Variants in MAP3K21 observed in about 807,000 individuals in gnomAD.
MAP3K21 encodes the protein mitogen-activated protein kinase kinase kinase 21, also known as mitogen-activated protein kinase kinase kinase MLK4.
MAP3K21 carries 63 observed loss-of-function variants against 86.1 expected under a neutral mutation model. The ratio of observed to expected loss-of-function variants is 0.73; its 90% CI spans 0.60 to 0.90. MAP3K21 has a LOEUF of 0.90. Among genes scored for constraint, MAP3K21 ranks in the 40% least tolerant of loss-of-function variants. MAP3K21 has a pLI of 0.00. For synonymous variants in MAP3K21, 558 were observed against 564.8 expected, an observed-to-expected ratio of 0.99 and a Z score of 0.17; for missense variants, 1,220 against 1,367.7, an observed-to-expected ratio of 0.89 and a Z score of 1.70.
chr1:233,332,928 G>A (rs1210280269), intron 1 of MAP3K21, among the ~76,000 whole-genome samples: 1 of 151,924 alleles, frequency 6.6e-6, no homozygotes, highest in Non-Finnish European at 1.5e-5. Context: ...TTATGTCAGT[G>A]ATTAAGCATT....
chr1:233,342,890 C>T (rs74783822), intron 1 of MAP3K21, among the ~76,000 whole-genome samples: 2,116 of 152,178 alleles, frequency 0.014, 53 homozygotes, highest in African/African-American at 0.048. Context: ...ACTGTGTAAC[C>T]ATGGACATAT....
chr1:233,343,887 C>G (rs879813522), intron 1 of MAP3K21, among the ~76,000 whole-genome samples: 1 of 152,046 alleles, frequency 6.6e-6, no homozygotes, highest in Non-Finnish European at 1.5e-5. Context: ...AAAAAATGAC[C>G]CTCTTTATGA....
At chr1:233,339,307 T>TTCC (rs1662983213) in intron 1 of MAP3K21, among the ~76,000 whole-genome samples, 1 of 135,798 alleles carries the variant, frequency 7.4e-6, no homozygotes, top group Non-Finnish European at 1.6e-5. Context: ...CTTCTTCCTC[T>TTCC]TCTTCTTCCT....
chr1:233,357,562 G>T (rs996541290), intron 4 of MAP3K21, among the ~76,000 whole-genome samples: 1 of 152,148 alleles, frequency 6.6e-6, no homozygotes, highest in Non-Finnish European at 1.5e-5. Flanking sequence ...AGTACTTAGA[G>T]TTCATCAAGG....
Position 233,384,080 on chromosome 1 carries a change from G to A in MAP3K21, c.*1369G>A, listed in dbSNP as rs1421824321. The A allele has an allele frequency of 6.6e-6, 1 of 152,000 alleles. No homozygotes were observed. Among genetic ancestry groups the A allele is most frequent in the Non-Finnish European group, 1.5e-5 (1 of 67,986 alleles). 9.4% of individuals were successfully genotyped at this position (152,000 alleles called of 1,614,324 possible). The stretch of plus-strand genomic sequence containing the variant: ...GTGGCTCTTCAGAAGACAGACAATC[G>A]ACATTTAAATTTTTCCAAACAATGA... On this transcript the variant is annotated 3_prime_UTR_variant, in exon 10 of 10. Coordinates refer to ENST00000366624, the MANE Select transcript of MAP3K21 (RefSeq NM_032435.3).
intron 4 of MAP3K21, among the ~76,000 whole-genome samples, chr1:233,356,722 C>G (rs1663364999): frequency 6.6e-6 from 1 of 152,204 alleles, no homozygotes; most frequent in South Asian, 2.1e-4. Context: ...GATGCCTAAC[C>G]TATTGTATTC....
At chr1:233,340,784 T>G (rs917202103) in intron 1 of MAP3K21, among the ~76,000 whole-genome samples, 3 of 152,230 alleles carry the variant, frequency 2.0e-5, no homozygotes, top group African/African-American at 7.2e-5. Flanking sequence ...GTTAATATAT[T>G]CTTTCACATT....
chr1:233,354,758 C>A, intron 3 of MAP3K21, 78 bp from the exon 4 acceptor site: 3 of 910,884 alleles, frequency 3.3e-6, no homozygotes, highest in Non-Finnish European at 4.9e-6. Context: ...AGTTGAAATA[C>A]ACTTCAGTGT....
intron 1 of MAP3K21, among the ~76,000 whole-genome samples, chr1:233,339,352 C>T (rs1294273): frequency 0.057 from 2,460 of 43,322 alleles, 614 homozygotes; most frequent in East Asian, 0.28. Context: ...CCTCTTCTCC[C>T]TCTTCTCCTT....
At chr1:233,358,137 C>T (rs1663400021) in intron 4 of MAP3K21, among the ~76,000 whole-genome samples, 1 of 151,752 alleles carries the variant, frequency 6.6e-6, no homozygotes, top group South Asian at 2.1e-4. Flanking sequence ...TCTGTACCTC[C>T]TCATCATTGG....
chr1:233,330,464 C>T (rs1048010262), intron 1 of MAP3K21, among the ~76,000 whole-genome samples: 5 of 152,078 alleles, frequency 3.3e-5, no homozygotes, highest in African/African-American at 1.2e-4. Flanking sequence ...ATAAAAGAAA[C>T]GTCTGACCAG....
chr1:233,378,969 G>A lies in MAP3K21; in HGVS notation c.1963G>A (p.Glu655Lys). Residue 655 changes from glutamate (E) to lysine (K), a missense_variant, in exon 9 of 10, where the codon GAA becomes AAA. Physicochemically the swap from Glu to Lys is moderately conservative, Grantham distance 56. Transcript: ENST00000366624. ...EEPKLSPDGL[E>K]HRKPKQIKLP... ...GCCAAAACTTTCCCCTGATGGATTA[G>A]AACACAGAAAACCAAAACAAATAAA... 1 of 1,613,912 alleles carries A rather than the reference G, an allele frequency of 6.2e-7. No individual in the cohort carries two copies. The highest frequency in any genetic ancestry group is 8.5e-7 in the Non-Finnish European group (1 of 1,179,920).
intron 8 of MAP3K21, 80 bp downstream of exon 8, chr1:233,376,607 T>C: frequency 1.1e-6 from 1 of 937,270 alleles, no homozygotes; most frequent in South Asian, 1.5e-5. Flanking sequence ...TTTACAGTCT[T>C]ACGTGGTCAT....
chr1:233,376,339 C>T (rs1663795776), intron 7 of MAP3K21, 91 bp from the exon 8 acceptor site: 2 of 934,508 alleles, frequency 2.1e-6, no homozygotes, highest in African/African-American at 1.7e-5. Flanking sequence ...CTCTTTACTA[C>T]CTTAAAAATA....
rs534410823 is a variant in MAP3K21 at position 233,360,411 on chromosome 1, G to T, written c.1312-1642G>T. On this transcript the variant is annotated intron_variant, in intron 4 of 9. Transcript: ENST00000366624. Reference sequence around the variant, plus strand: ...TCTATAAATAAAAACCAACTGATAGGCATATTAGCTGAAGTGATTTAAACA... The same window carrying T: ...TCTATAAATAAAAACCAACTGATAGTCATATTAGCTGAAGTGATTTAAACA... Among the ~76,000 whole-genome samples, 20 of 151,984 alleles carry T rather than the reference G, an allele frequency of 1.3e-4. No homozygotes were observed. In the South Asian group the frequency reaches 4.0e-3, roughly 30 times the overall value.
rs1450750884 is a variant in MAP3K21, at chr1:233,384,719, ATG to A, written c.*2016_*2017del. ...TGCATATTAGTAAATGTGTGTTTGC[ATG>A]TGTGTGTTGGGGAGTGTATGTGATC... On this transcript the variant is annotated 3_prime_UTR_variant, in exon 10 of 10. Transcript: ENST00000366624. 6.6e-6 allele frequency: 1 copy of A among 152,064 alleles called. No homozygotes were observed. Among genetic ancestry groups the A allele is most frequent in the East Asian group, 1.9e-4 (1 of 5,188 alleles). 9.4% of individuals were successfully genotyped at this position (152,064 alleles called of 1,614,324 possible). A position where few individuals can be genotyped will look rare whatever the true frequency, so the allele number is the denominator to read the frequency against.
intron 1 of MAP3K21, among the ~76,000 whole-genome samples, chr1:233,343,083 T>C (rs1663069266): frequency 6.6e-6 from 1 of 152,162 alleles, no homozygotes; most frequent in Non-Finnish European, 1.5e-5. Flanking sequence ...CATTTAAACC[T>C]AGTGTTGGTT....
intron 5 of MAP3K21, among the ~76,000 whole-genome samples, chr1:233,368,100 C>A (rs1464239088): frequency 6.6e-6 from 1 of 152,138 alleles, no homozygotes; most frequent in Non-Finnish European, 1.5e-5. Flanking sequence ...TCAATCAGAT[C>A]CTGTGGCTTG....
chr1:233,367,017 C>CT (rs1196977209), intron 5 of MAP3K21, among the ~76,000 whole-genome samples: 1 of 152,114 alleles, frequency 6.6e-6, no homozygotes, highest in Non-Finnish European at 1.5e-5. Flanking sequence ...CACAGTGCAT[C>CT]TTTTTATTTT....
Sources: gnomAD v4.1 joint callset for allele counts (sites outside exome capture counted in the v4.1 genomes callset) on GRCh38, gnomAD v4.1.1 for gene constraint, MANE v1.5 for transcripts, NCBI Gene and HGNC (gene_info 2026-07-23, HGNC 2026-07-21) for gene names.